Variants in GRM8 observed in about 807,000 individuals in gnomAD.
GRM8 encodes metabotropic glutamate receptor 8.
A neutral mutation model predicts 87.2 loss-of-function variants in GRM8; 47 were observed. That is an observed-to-expected ratio of 0.54 (90% CI 0.43 to 0.69). GRM8 has a LOEUF of 0.69. Among genes scored for constraint, GRM8 ranks in the 30% least tolerant of loss-of-function variants. The pLI is 0.00. For missense variants in GRM8, 1,019 were observed against 1,139.2 expected (o/e 0.89, Z 1.52); for synonymous variants, 396 against 404.5 (o/e 0.98, Z 0.25).
At chr7:127,113,574 C>A (rs1826515103) in intron 2 of GRM8, among the ~76,000 whole-genome samples, 1 of 151,944 alleles carries the variant, frequency 6.6e-6, no homozygotes, top group African/African-American at 2.4e-5. Context: ...GGGGTGGGTT[C>A]TTTGTGCTAC....
chr7:126,923,491 A>C (rs914547250), intron 3 of GRM8, among the ~76,000 whole-genome samples: 1 of 152,318 alleles, frequency 6.6e-6, no homozygotes, highest in African/African-American at 2.4e-5. Context: ...ATTGTTTGCA[A>C]TATAATATTA....
intron 7 of GRM8, among the ~76,000 whole-genome samples, chr7:126,759,816 C>G (rs189297517): frequency 1.3e-5 from 2 of 152,062 alleles, no homozygotes; most frequent in African/African-American, 4.8e-5. Context: ...TGTATCATCA[C>G]CTTACATTTA....
At chr7:126,879,399 A>C (rs1173558132) in intron 6 of GRM8, among the ~76,000 whole-genome samples, 1 of 152,188 alleles carries the variant, frequency 6.6e-6, no homozygotes, top group African/African-American at 2.4e-5. Context: ...ATGAATATGC[A>C]TGATTATTTT....
chr7:126,907,445 TG>T (rs1802831130), intron 3 of GRM8, among the ~76,000 whole-genome samples: 3 of 152,072 alleles, frequency 2.0e-5, no homozygotes, highest in Non-Finnish European at 4.4e-5. Context: ...TAATTTAGAT[TG>T]AGGACTGCTC....
At chr7:126,516,828 T>C (rs931268592) in intron 9 of GRM8, among the ~76,000 whole-genome samples, 1 of 152,138 alleles carries the variant, frequency 6.6e-6, no homozygotes, top group African/African-American at 2.4e-5. Context: ...ATTTCAACTA[T>C]GGTTGTTTTG....
chr7:126,502,038 G>T (rs1043499635), intron 9 of GRM8, among the ~76,000 whole-genome samples: 1 of 152,020 alleles, frequency 6.6e-6, no homozygotes, highest in Non-Finnish European at 1.5e-5. Context: ...GTTACCATAT[G>T]ACCTGTTGGG....
chr7:126,782,368 T>C (rs1025013777), intron 6 of GRM8, among the ~76,000 whole-genome samples: 5 of 152,198 alleles, frequency 3.3e-5, no homozygotes, highest in African/African-American at 1.2e-4. Flanking sequence ...AGAACCCTAA[T>C]CACTTAATTC....
At chr7:126,773,753 C>T (rs1001091735) in intron 6 of GRM8, among the ~76,000 whole-genome samples, 47 of 151,962 alleles carry the variant, frequency 3.1e-4, no homozygotes, top group Non-Finnish European at 2.9e-5. Flanking sequence ...CCCAACATTT[C>T]GAAAGGCTGA....
At chr7:127,161,652 T>C (rs1446799396) in intron 2 of GRM8, among the ~76,000 whole-genome samples, 1 of 80,286 alleles carries the variant, frequency 1.2e-5, no homozygotes, top group Non-Finnish European at 2.9e-5. Context: ...AAAGAAAATA[T>C]ACCTTCTTTA....
At chr7:127,133,441 T>TA (rs1827792309) in intron 2 of GRM8, among the ~76,000 whole-genome samples, 1 of 150,752 alleles carries the variant, frequency 6.6e-6, no homozygotes, top group South Asian at 2.1e-4. Flanking sequence ...ACCCTGTCTC[T>TA]AAAAAAGCAA....
intron 7 of GRM8, among the ~76,000 whole-genome samples, chr7:126,717,863 G>A (rs1296813487): frequency 6.6e-6 from 1 of 152,038 alleles, no homozygotes; most frequent in Admixed American, 6.6e-5. Flanking sequence ...TAAACTCTTT[G>A]CTTATTTCTA....
intron 6 of GRM8, among the ~76,000 whole-genome samples, chr7:126,860,387 A>G (rs1347590411): frequency 6.6e-6 from 1 of 152,128 alleles, no homozygotes; most frequent in Non-Finnish European, 1.5e-5. Context: ...TTAATAGACT[A>G]TTGGTGGTGA....
chr7:126,490,962 A>G (rs949649592), intron 9 of GRM8, among the ~76,000 whole-genome samples: 1 of 152,058 alleles, frequency 6.6e-6, no homozygotes, highest in Non-Finnish European at 1.5e-5. Flanking sequence ...TTATTTTCGA[A>G]CCATTCAACT....
chr7:127,065,651 G>A (rs1466420428), intron 3 of GRM8, among the ~76,000 whole-genome samples: 1 of 152,190 alleles, frequency 6.6e-6, no homozygotes, highest in East Asian at 1.9e-4. Context: ...CTGTGGTGGT[G>A]GAGATGGAAA....
At chr7:126,482,626 C>A (rs1806826294) in intron 9 of GRM8, among the ~76,000 whole-genome samples, 1 of 151,770 alleles carries the variant, frequency 6.6e-6, no homozygotes, top group Non-Finnish European at 1.5e-5. Flanking sequence ...AATGGTAGAT[C>A]CAGGGTCTGG....
chr7:127,070,382 G>A (rs1821558464), intron 3 of GRM8, among the ~76,000 whole-genome samples: 1 of 152,016 alleles, frequency 6.6e-6, no homozygotes, highest in Non-Finnish European at 1.5e-5. Flanking sequence ...AACCTCTGAA[G>A]TTGATTTTTA....
intron 2 of GRM8, among the ~76,000 whole-genome samples, chr7:127,178,019 A>G (rs911950213): frequency 3.3e-5 from 5 of 152,246 alleles, no homozygotes; most frequent in Non-Finnish European, 7.3e-5. Context: ...TTTACCTGAA[A>G]AAGAACTCAG....
intron 8 of GRM8, among the ~76,000 whole-genome samples, chr7:126,558,366 G>T (rs1179311114): frequency 1.3e-5 from 2 of 152,008 alleles, no homozygotes; most frequent in Non-Finnish European, 2.9e-5. Flanking sequence ...TTTGCCAAGG[G>T]CCATGTGTAT....
chr7:127,249,111 T>C (rs969776772), intron 1 of GRM8, among the ~76,000 whole-genome samples: 11 of 152,228 alleles, frequency 7.2e-5, no homozygotes, highest in African/African-American at 2.2e-4. Flanking sequence ...AGCAGCTTTC[T>C]AGCTTTAGGC....
Sources: allele counts gnomAD v4.1 joint callset (sites outside exome capture counted in the v4.1 genomes callset), GRCh38; gene constraint gnomAD v4.1.1; transcripts MANE v1.5; gene names NCBI Gene and HGNC (gene_info 2026-07-23, HGNC 2026-07-21).